SCAPER: variants seen among roughly 807,000 people sequenced by gnomAD.
The protein encoded by SCAPER is S-phase cyclin A associated protein in the ER, also known as S phase cyclin A-associated protein in the endoplasmic reticulum.
Under a neutral mutation model 182.2 loss-of-function variants are expected in SCAPER, and 98 were observed. That is an observed-to-expected ratio of 0.54 (90% confidence interval 0.46 to 0.64). SCAPER has a LOEUF of 0.64. Among genes scored for constraint, SCAPER ranks in the 30% least tolerant of loss-of-function variants. The pLI is 0.00. For synonymous variants in SCAPER, 605 were observed against 564.6 expected (o/e 1.07, Z -1.01); for missense variants, 1,432 against 1,690.0 (o/e 0.85, Z 2.68).
chr15:76,743,144 A>C (rs779738789), intron 15 of SCAPER, among the ~76,000 whole-genome samples: 1 of 152,140 alleles, frequency 6.6e-6, no homozygotes, highest in African/African-American at 2.4e-5. Context: ...TGGAGTCAGA[A>C]CCGAAGTCCA....
intron 22 of SCAPER, among the ~76,000 whole-genome samples, chr15:76,607,583 G>A (rs1276581700): frequency 1.3e-5 from 2 of 151,708 alleles, no homozygotes; most frequent in African/African-American, 4.8e-5. Flanking sequence ...GATTGGGGAA[G>A]TTCTCCTGGA....
chr15:76,834,996 T>G (rs1334157647), intron 5 of SCAPER, among the ~76,000 whole-genome samples: 1 of 152,184 alleles, frequency 6.6e-6, no homozygotes, highest in Non-Finnish European at 1.5e-5. Flanking sequence ...ATAAGAATTC[T>G]ACTAAAAGTG....
At chr15:76,438,000 GGGCCGGGCACAGT>G (rs2047306580) in intron 25 of SCAPER, among the ~76,000 whole-genome samples, 1 of 151,922 alleles carries the variant, frequency 6.6e-6, no homozygotes, top group African/African-American at 2.4e-5. Context: ...AAAGAAAAAT[GGGCCGGGCACAGT>G]GGCTCACGCC....
In SCAPER at chr15:76,732,173, G is replaced by A. The variant is rs1368435810; in HGVS notation, c.2022+1056C>T. On this transcript the variant is annotated intron_variant, in intron 16 of 31. Transcript: ENST00000563290. Reference sequence around the variant, plus strand: ...CAAACACTAGGTTACTCCATTTGGGGTCCTCAGCAACTAGCTTTAAATCTA... The same window carrying A: ...CAAACACTAGGTTACTCCATTTGGGATCCTCAGCAACTAGCTTTAAATCTA... Among the ~76,000 whole-genome samples, 5 of 152,194 alleles carry A rather than the reference G, an allele frequency of 3.3e-5. No individual in the cohort carries two copies. In the South Asian group the frequency reaches 6.2e-4, roughly 19 times the overall value.
At chr15:76,360,972 T>C (rs887424524) in intron 29 of SCAPER, among the ~76,000 whole-genome samples, 2 of 151,552 alleles carry the variant, frequency 1.3e-5, no homozygotes, top group African/African-American at 2.4e-5. Flanking sequence ...AATGCTATTA[T>C]GTCAAATATA....
intron 4 of SCAPER, among the ~76,000 whole-genome samples, chr15:76,853,203 A>G (rs1312478313): frequency 6.6e-6 from 1 of 152,166 alleles, no homozygotes; most frequent in Non-Finnish European, 1.5e-5. Context: ...ACCAACCAAA[A>G]AAAGCCCAGG....
chr15:76,826,608 C>T (rs3110386), intron 5 of SCAPER, among the ~76,000 whole-genome samples: 146,991 of 151,338 alleles, frequency 0.97, 71,508 homozygotes, highest in South Asian at 1. Flanking sequence ...ATAAAAAGTG[C>T]AAATAACCCA....
At chr15:76,810,376 A>C (rs1162517154) in intron 5 of SCAPER, among the ~76,000 whole-genome samples, 1 of 151,996 alleles carries the variant, frequency 6.6e-6, no homozygotes, top group Non-Finnish European at 1.5e-5. Flanking sequence ...CAAGAGACAT[A>C]AAAGGAGAGA....
intron 28 of SCAPER, 28 bp downstream of exon 28, chr15:76,381,350 A>G: frequency 2.6e-6 from 4 of 1,563,464 alleles, no homozygotes; most frequent in Non-Finnish European, 3.5e-6. Context: ...TTGATTGGTT[A>G]ACATCGATAT....
At chr15:76,535,949 T>C (rs181641294) in intron 23 of SCAPER, among the ~76,000 whole-genome samples, 7 of 152,338 alleles carry the variant, frequency 4.6e-5, no homozygotes, top group Admixed American at 4.6e-4. Context: ...GTTGACTTAA[T>C]AACTGTTCAT....
intron 6 of SCAPER, among the ~76,000 whole-genome samples, chr15:76,802,077 A>AT (rs201243431): frequency 2.0e-4 from 30 of 151,444 alleles, no homozygotes; most frequent in African/African-American, 6.5e-4. Flanking sequence ...AAAAAAAAAA[A>AT]TTTTTTTTTA....
chr15:76,886,388 G>A (rs563955561), intron 1 of SCAPER, among the ~76,000 whole-genome samples: 32 of 152,318 alleles, frequency 2.1e-4, no homozygotes, highest in Admixed American at 9.1e-4. Flanking sequence ...GCTGAGGCAG[G>A]AGAATCACTT....
intron 29 of SCAPER, among the ~76,000 whole-genome samples, chr15:76,355,089 C>G (rs1187438326): frequency 6.6e-6 from 1 of 152,134 alleles, no homozygotes; most frequent in Admixed American, 6.5e-5. Context: ...GGACTACATT[C>G]AAATTAAAAC....
At chr15:76,841,667 GTCACA>G in intron 5 of SCAPER, 62 bp downstream of exon 5, 1 of 1,503,416 alleles carries the variant, frequency 6.7e-7, no homozygotes, top group African/African-American at 1.4e-5. Flanking sequence ...AAAAGATCAA[GTCACA>G]TGTAGCAAAA....
At chr15:76,550,423 T>G (rs915857703) in intron 23 of SCAPER, among the ~76,000 whole-genome samples, 29 of 152,200 alleles carry the variant, frequency 1.9e-4, no homozygotes, top group Non-Finnish European at 2.5e-4. Flanking sequence ...CAGCTTCCAC[T>G]TATAACTGAG....
At chr15:76,867,213 T>C (rs116560468) in intron 2 of SCAPER, among the ~76,000 whole-genome samples, 2,371 of 152,346 alleles carry the variant, frequency 0.016, 63 homozygotes, top group African/African-American at 0.055. Context: ...TAAAACTTTC[T>C]ACTTTATACA....
chr15:76,593,826 A>G (rs1397938776), intron 22 of SCAPER, among the ~76,000 whole-genome samples: 3 of 121,172 alleles, frequency 2.5e-5, no homozygotes, highest in Non-Finnish European at 4.0e-5. Context: ...GAAGGTCACC[A>G]ACATCAAAGA....
chr15:76,533,023 C>T (rs1033123763), intron 23 of SCAPER, among the ~76,000 whole-genome samples: 3 of 152,098 alleles, frequency 2.0e-5, no homozygotes, highest in Admixed American at 1.3e-4. Context: ...GTAGGCAAAA[C>T]AATAAGTAAT....
At position 76,598,752 on chromosome 15, in the gene SCAPER, G is replaced by T. The variant is rs190999462; in HGVS notation, c.2711+23012C>A. ...CACTCATAAGTGGGAGGTGAACAAT[G>T]AGAACACGTGGACACAGGGAAGGAA... On this transcript the variant is annotated intron_variant, in intron 22 of 31. Transcript: ENST00000563290. Among the ~76,000 whole-genome samples the T allele has an allele frequency of 5.6e-3, 671 of 120,152 alleles. 94 individuals are homozygous for T. Among genetic ancestry groups the T allele is most frequent in the African/African-American group, 0.014 (542 of 39,538 alleles). The allele number at this position is 120,152 out of a possible 152,430, so 78.8% of individuals were successfully genotyped here.
Sources: gnomAD v4.1 joint callset for allele counts (sites outside exome capture counted in the v4.1 genomes callset) on GRCh38, gnomAD v4.1.1 for gene constraint, MANE v1.5 for transcripts, NCBI Gene and HGNC (gene_info 2026-07-23, HGNC 2026-07-21) for gene names.